The following ABL2 variants were observed in gnomAD, a reference collection of about 807,000 sequenced individuals.
The protein encoded by ABL2 is tyrosine-protein kinase ABL2.
A neutral mutation model predicts 107.7 loss-of-function variants in ABL2; 49 were observed. The observed-to-expected ratio is 0.45, with a 90% CI of 0.36 to 0.58. The LOEUF (loss-of-function observed/expected upper bound fraction) is 0.58. ABL2 is among the 20% of genes least tolerant of loss of function. The pLI is 0.00. For synonymous variants in ABL2, 549 were observed against 548.6 expected, an observed-to-expected ratio of 1.00 and a Z score of -0.01; for missense variants, 1,245 against 1,457.0, an observed-to-expected ratio of 0.85 and a Z score of 2.37.
rs566490118 is a variant in ABL2 at position 179,190,929 on chromosome 1, A to G, written c.157+38312T>C. Reference sequence around the variant, plus strand: ...CCAGGATATGGTCCATTATATCCAGAATTTAAGGTCCTAGGCCTGGTAATG... The same window carrying G: ...CCAGGATATGGTCCATTATATCCAGGATTTAAGGTCCTAGGCCTGGTAATG... On this transcript the variant is annotated intron_variant, in intron 1 of 11. Coordinates refer to ENST00000502732, the MANE Select transcript of ABL2 (RefSeq NM_007314.4). Among the ~76,000 whole-genome samples, 11 of 152,332 alleles carry G rather than the reference A, an allele frequency of 7.2e-5. No homozygotes were observed. In the East Asian group the frequency reaches 2.1e-3, roughly 29 times the overall value.
chr1:179,158,075 G>A (rs1237362807), intron 1 of ABL2, among the ~76,000 whole-genome samples: 2 of 152,188 alleles, frequency 1.3e-5, no homozygotes, highest in Non-Finnish European at 2.9e-5. Context: ...AATAAAAGGA[G>A]ACCATAGGAG....
Position 179,115,041 on chromosome 1 carries a change from A to G in ABL2, c.1409-11T>C. On this transcript the variant is annotated splice_polypyrimidine_tract_variant and intron_variant, in intron 8 of 11. Transcript: ENST00000502732. Reference sequence around the variant, plus strand: ...ACAATACCCCAAAAGCTGCATAAGGAATTAAAAAAAGCACTTAGTGTTTCT... The same window carrying G: ...ACAATACCCCAAAAGCTGCATAAGGGATTAAAAAAAGCACTTAGTGTTTCT... The G allele has an allele frequency of 6.4e-7, 1 of 1,573,376 alleles. No individual in the cohort carries two copies. The highest frequency in any genetic ancestry group is 8.6e-7 in the Non-Finnish European group (1 of 1,163,090).
rs1553236267 is a variant in ABL2 at position 179,229,640 on chromosome 1, G to GCCGCCGCCGCCGCCGCCGCCGCCA, written c.-244_-243insTGGCGGCGGCGGCGGCGGCGGCGG. On this transcript the variant is annotated 5_prime_UTR_variant, in exon 1 of 12. Coordinates refer to ENST00000502732, the MANE Select transcript of ABL2 (RefSeq NM_007314.4). Reference sequence around the variant, plus strand: ...GCGGCTCCGCGCCCCCAACGCCGCCGCCGCCGCCGCCGCCACCGCCGCCGC... The same window carrying GCCGCCGCCGCCGCCGCCGCCGCCA: ...GCGGCTCCGCGCCCCCAACGCCGCCGCCGCCGCCGCCGCCGCCGCCGCCACCGCCGCCGCCGCCACCGCCGCCGC... 5.6e-5 allele frequency: 28 copies of GCCGCCGCCGCCGCCGCCGCCGCCA among 496,918 alleles called. No homozygotes were observed. The highest frequency in any genetic ancestry group is 5.2e-4 in the African/African-American group (25 of 47,936). The allele number at this position is 496,918 out of a possible 1,614,324, so 30.8% of individuals were successfully genotyped here. A position where few individuals can be genotyped will look rare whatever the true frequency, so the allele number is the denominator to read the frequency against.
intron 1 of ABL2, among the ~76,000 whole-genome samples, chr1:179,199,095 G>A (rs544313577): frequency 2.8e-4 from 43 of 152,080 alleles, no homozygotes; most frequent in Non-Finnish European, 5.7e-4. Context: ...CACCCGCCTC[G>A]GCCTCCCAAA....
chr1:179,212,449 T>C (rs1458934553), intron 1 of ABL2, among the ~76,000 whole-genome samples: 2 of 152,202 alleles, frequency 1.3e-5, no homozygotes, highest in Admixed American at 1.3e-4. Flanking sequence ...TAATGCAAGC[T>C]GGGCAGGGCA....
chr1:179,107,500 G>T lies in ABL2; in HGVS notation c.*218C>A. 1.2e-6 allele frequency: 1 copy of T among 851,474 alleles called. No individual in the cohort carries two copies. Among genetic ancestry groups the T allele is most frequent in the Non-Finnish European group, 1.7e-6 (1 of 594,192 alleles). The allele number at this position is 851,474 out of a possible 1,614,324, so 52.7% of individuals were successfully genotyped here. ...GCAGTTTCCAACCCTGTCCACTACT[G>T]CCTTGCCCCCACTTAATTTACCTCT... On this transcript the variant is annotated 3_prime_UTR_variant, in exon 12 of 12. Transcript: ENST00000502732.
intron 8 of ABL2, among the ~76,000 whole-genome samples, chr1:179,116,622 T>C (rs1437741497): frequency 6.6e-6 from 1 of 151,262 alleles, no homozygotes; most frequent in South Asian, 2.1e-4. Flanking sequence ...GTGATTCTCC[T>C]ACCTCAGCCT....
intron 3 of ABL2, among the ~76,000 whole-genome samples, chr1:179,129,390 T>TATA (rs1221897911): frequency 6.6e-6 from 1 of 152,186 alleles, no homozygotes; most frequent in Non-Finnish European, 1.5e-5. Context: ...TACTACACAA[T>TATA]ATAAACTTTC....
At chr1:179,134,867 G>C (rs1408035813) in intron 1 of ABL2, among the ~76,000 whole-genome samples, 2 of 152,238 alleles carry the variant, frequency 1.3e-5, no homozygotes, top group African/African-American at 4.8e-5. Context: ...GTGCCTGCGA[G>C]TGCAGGCGCG....
intron 4 of ABL2, among the ~76,000 whole-genome samples, chr1:179,123,287 C>T (rs1017986109): frequency 9.2e-5 from 14 of 152,150 alleles, no homozygotes; most frequent in Non-Finnish European, 1.3e-4. Context: ...GGGCAGGTCA[C>T]TTGAGGTCAA....
Position 179,201,710 on chromosome 1 carries a change from C to G in ABL2, c.157+27531G>C, listed in dbSNP as rs182664261. ...TGTCTTTCTTGACGTAGGTCAGAGG[C>G]ATTGATATGCAGCAAGTTTCTTTAG... is the stretch of plus-strand genomic sequence containing the variant. On this transcript the variant is annotated intron_variant, in intron 1 of 11. Coordinates refer to ENST00000502732, the MANE Select transcript of ABL2 (RefSeq NM_007314.4). 292 of 666,192 alleles carry G rather than the reference C, an allele frequency of 4.4e-4. 1 individual carries two copies. In the African/African-American group the frequency reaches 4.9e-3, roughly 11 times the overall value. 41.3% of individuals were successfully genotyped at this position (666,192 alleles called of 1,614,324 possible). A position where few individuals can be genotyped will look rare whatever the true frequency, so the allele number is the denominator to read the frequency against.
Position 179,109,018 on chromosome 1 carries a change from C to T in ABL2, c.2249G>A (p.Gly750Asp), listed in dbSNP as rs1243498005. 1 of 1,613,734 alleles carries T rather than the reference C, an allele frequency of 6.2e-7. No individual in the cohort carries two copies. The highest frequency in any genetic ancestry group is 1.1e-5 in the South Asian group (1 of 91,050). The change falls in exon 12 of 12, where the codon GGC becomes GAC. Residue 750 changes from glycine (G) to aspartate (D), a missense_variant. Physicochemically the swap from Gly to Asp is moderately conservative, Grantham distance 94. Around this residue, in one of 3 missense-constraint regions of ABL2, gnomAD observed 761 missense variants for 766.4 expected, o/e 0.99. Coordinates refer to ENST00000502732, the MANE Select transcript of ABL2 (RefSeq NM_007314.4). ...TAGGGWSGIT[G>D]FFTPRLIKKT... ...TTTGATTAAGCGTGGTGTAAAGAAG[C>T]CTGTGATGCCAGACCACCCACCCCC...
At chr1:179,217,993 T>A (rs926604657) in intron 1 of ABL2, among the ~76,000 whole-genome samples, 2 of 152,078 alleles carry the variant, frequency 1.3e-5, no homozygotes, top group Non-Finnish European at 2.9e-5. Context: ...GTCTCTAATA[T>A]TTTTTAATTT....
chr1:179,225,895 T>A (rs1378320955), intron 1 of ABL2, among the ~76,000 whole-genome samples: 1 of 151,218 alleles, frequency 6.6e-6, no homozygotes, highest in Non-Finnish European at 1.5e-5. Context: ...CAAAAAAAAA[T>A]TAGCCGGGCG....
intron 3 of ABL2, among the ~76,000 whole-genome samples, chr1:179,129,053 A>G (rs547131569): frequency 6.6e-6 from 1 of 152,268 alleles, no homozygotes; most frequent in South Asian, 2.1e-4. Context: ...GTGTTGCTTT[A>G]TTTTTTAAAT....
At chr1:179,129,508 C>G (rs959110382) in intron 3 of ABL2, among the ~76,000 whole-genome samples, 5 of 151,974 alleles carry the variant, frequency 3.3e-5, no homozygotes, top group African/African-American at 1.2e-4. Flanking sequence ...TGGGTGAAAC[C>G]CTGTCTCTAC....
intron 1 of ABL2, among the ~76,000 whole-genome samples, chr1:179,142,104 G>T (rs1657645201): frequency 6.6e-6 from 1 of 152,104 alleles, no homozygotes; most frequent in South Asian, 2.1e-4. Flanking sequence ...GTTTATTTTT[G>T]AACAAAATGA....
At chr1:179,128,342 GA>G (rs892005860) in intron 3 of ABL2, among the ~76,000 whole-genome samples, 2 of 146,290 alleles carry the variant, frequency 1.4e-5, no homozygotes. Flanking sequence ...TTTACAGGAA[GA>G]AAAAAAAAAG....
At chr1:179,186,582 T>C (rs572029736) in intron 1 of ABL2, among the ~76,000 whole-genome samples, 60 of 152,132 alleles carry the variant, frequency 3.9e-4, no homozygotes, top group African/African-American at 1.4e-3. Context: ...GGTTTCACCA[T>C]GTTGGCCAGG....
Sources: gnomAD v4.1 joint callset for allele counts (sites outside exome capture counted in the v4.1 genomes callset) on GRCh38, gnomAD v4.1.1 for gene constraint, gnomAD v4.1.1 regional missense constraint, MANE v1.5 for transcripts, NCBI Gene and HGNC (gene_info 2026-07-23, HGNC 2026-07-21) for gene names.